The following PPP1R37 variants were observed in gnomAD, a reference collection of about 807,000 sequenced individuals.
The protein encoded by PPP1R37 is protein phosphatase 1 regulatory subunit 37.
A neutral mutation model predicts 61.0 loss-of-function variants in PPP1R37; 21 were observed. The ratio of observed to expected loss-of-function variants is 0.34; its 90% CI spans 0.24 to 0.50. PPP1R37 has a LOEUF of 0.50. Among genes scored for constraint, PPP1R37 ranks in the 20% least tolerant of loss-of-function variants. The pLI, the probability that PPP1R37 is intolerant of heterozygous loss-of-function variation, is 0.98. For synonymous variants in PPP1R37, 443 were observed against 433.5 expected, an observed-to-expected ratio of 1.02 and a Z score of -0.27; for missense variants, 910 against 952.7, an observed-to-expected ratio of 0.96 and a Z score of 0.59.
chr19:45,128,801 T>C, intron 1 of PPP1R37: 2 of 621,534 alleles, frequency 3.2e-6, no homozygotes, highest in Non-Finnish European at 2.9e-6. Flanking sequence ...CACCTTATAA[T>C]GTGGGTGTCC....
chr19:45,133,940 G>T (rs778326899), intron 1 of PPP1R37, among the ~76,000 whole-genome samples: 1 of 152,290 alleles, frequency 6.6e-6, no homozygotes, highest in African/African-American at 2.4e-5. Flanking sequence ...GAAATGCCTC[G>T]GGTAGCATCT....
chr19:45,123,393 T>C (rs1274307639), intron 1 of PPP1R37, among the ~76,000 whole-genome samples: 1 of 152,200 alleles, frequency 6.6e-6, no homozygotes. Context: ...GGACCCGCTC[T>C]CCACATCCTG....
At chr19:45,125,638 G>T (rs1381051417) in intron 1 of PPP1R37, among the ~76,000 whole-genome samples, 1 of 152,152 alleles carries the variant, frequency 6.6e-6, no homozygotes, top group South Asian at 2.1e-4. Flanking sequence ...GCGTAGGACC[G>T]GCTGTGGCTG....
Position 45,140,613 on chromosome 19 carries a change from G to A in PPP1R37, c.447+7G>A, listed in dbSNP as rs184906892. 2.2e-5 allele frequency: 34 copies of A among 1,534,182 alleles called. No homozygotes were observed. The African/African-American group carries it at 2.6e-4, about 12-fold the overall frequency. On this transcript the variant is annotated splice_region_variant and intron_variant, in intron 4 of 12. Coordinates refer to ENST00000221462, the MANE Select transcript of PPP1R37 (RefSeq NM_019121.2). ...GACAAACCTGGATGAAGATGTGAGC[G>A]GCCCTGCCACCGCCCACTTGGCTCC...
At position 45,115,260 on chromosome 19, in the gene PPP1R37, G is replaced by T. The variant is rs1381014006; in HGVS notation, c.202+21733G>T. 8.5e-5 allele frequency among the ~76,000 whole-genome samples: 13 copies of T among 152,312 alleles called. No individual in the cohort carries two copies. In the South Asian group the frequency reaches 1.0e-3, roughly 12 times the overall value. The stretch of plus-strand genomic sequence containing the variant: ...CTGGAACAGAGGAGACAGTGGCGAG[G>T]CTGGTGGGTAGGTACCTGGCTTGGG... On this transcript the variant is annotated intron_variant, in intron 1 of 12. Coordinates refer to ENST00000221462, the MANE Select transcript of PPP1R37 (RefSeq NM_019121.2).
rs543930111 is a variant in PPP1R37 at position 45,142,869 on chromosome 19, G to C, written c.874+411G>C. The C allele has an allele frequency of 1.2e-4, 25 of 210,462 alleles. No homozygotes were observed. In the South Asian group the frequency reaches 2.0e-3, roughly 17 times the overall value. The allele number at this position is 210,462 out of a possible 1,614,324, so 13.0% of individuals were successfully genotyped here. On this transcript the variant is annotated intron_variant, in intron 7 of 12. Transcript: ENST00000221462. ...CTCTGGGCTTCCATCCGGAGGCTGG[G>C]AGCAGAACCAGCCTTGTGAGAAGCC...
intron 8 of PPP1R37, 31 bp from the exon 9 acceptor site, chr19:45,144,820 GCCT>G (rs1187459843): frequency 4.7e-6 from 7 of 1,496,348 alleles, no homozygotes; most frequent in Non-Finnish European, 3.6e-6. Flanking sequence ...CGCCATCACG[GCCT>G]CCTCCTCACC....
chr19:45,119,120 C>A (rs1390216812), intron 1 of PPP1R37, among the ~76,000 whole-genome samples: 1 of 151,948 alleles, frequency 6.6e-6, no homozygotes, highest in Non-Finnish European at 1.5e-5. Context: ...TCCCGAGTAG[C>A]TGGGATTACA....
intron 1 of PPP1R37, among the ~76,000 whole-genome samples, chr19:45,110,113 T>C (rs1353912269): frequency 6.8e-6 from 1 of 147,184 alleles, no homozygotes; most frequent in East Asian, 1.9e-4. Context: ...GAATTCCCTT[T>C]TTCTTTTTTT....
rs1968461894 is a variant in PPP1R37, at chr19:45,130,416, T to C, written c.203-8098T>C. 6.6e-6 allele frequency among the ~76,000 whole-genome samples: 1 copy of C among 152,168 alleles called. No individual in the cohort carries two copies. Among genetic ancestry groups the C allele is most frequent in the Non-Finnish European group, 1.5e-5 (1 of 68,034 alleles). ...GGTCACCGTCCCACATCATCCCCAG[T>C]GCTCCCCTCCCGGTGTGCTTTGGCG... is the stretch of plus-strand genomic sequence containing the variant. On this transcript the variant is annotated intron_variant, in intron 1 of 12. Transcript: ENST00000221462. This position sits in a 1 kb window ranked among gnomAD's most constrained non-coding sequence, Gnocchi z 4.4.
At chr19:45,143,274 G>A (rs1968637698) in intron 7 of PPP1R37, 4 of 440,360 alleles carry the variant, frequency 9.1e-6, no homozygotes, top group South Asian at 2.6e-5. Context: ...GGTGAGGTGG[G>A]CCAGAGGTGG....
At position 45,145,510 on chromosome 19, in the gene PPP1R37, A is replaced by G. The variant is rs1568452304; in HGVS notation, c.1454A>G (p.Asp485Gly). ...PETTATEPQP[D>G]DEPAAGVQNG... ...ACCACCGCCACCGAGCCCCAGCCCGACGACGAGCCCGCCGCTGGGGTGCAG... is the reference window on the plus strand; with the variant it reads ...ACCACCGCCACCGAGCCCCAGCCCGGCGACGAGCCCGCCGCTGGGGTGCAG... The change falls in exon 11 of 13, where the codon GAC (aspartate) becomes GGC (glycine). Residue 485 changes from aspartate to glycine, a missense_variant. This residue lies in a region of PPP1R37 where 549 missense variants were observed against 505.1 expected (regional missense o/e 1.09). Transcript: ENST00000221462. 1 of 1,533,982 alleles carries G rather than the reference A, an allele frequency of 6.5e-7. No individual in the cohort carries two copies. The highest frequency in any genetic ancestry group is 1.4e-5 in the African/African-American group (1 of 73,032).
intron 3 of PPP1R37, 108 bp downstream of exon 3, chr19:45,140,389 C>G: frequency 1.6e-6 from 2 of 1,286,150 alleles, no homozygotes; most frequent in Non-Finnish European, 2.2e-6. Context: ...TGGAGCTGAG[C>G]TCAGCCAGGG....
At chr19:45,131,410 A>T (rs972978971) in intron 1 of PPP1R37, among the ~76,000 whole-genome samples, 5 of 152,230 alleles carry the variant, frequency 3.3e-5, no homozygotes, top group Middle Eastern at 3.4e-3. Context: ...GGGAGCCGAG[A>T]GTTGAGCTGT....
At chr19:45,135,687 A>G (rs893587014) in intron 1 of PPP1R37, among the ~76,000 whole-genome samples, 2 of 152,122 alleles carry the variant, frequency 1.3e-5, no homozygotes, top group Middle Eastern at 3.4e-3. Context: ...CTCCTGGATG[A>G]AGCGCCTGGC....
chr19:45,114,036 T>A (rs564995267), intron 1 of PPP1R37, among the ~76,000 whole-genome samples: 22 of 152,344 alleles, frequency 1.4e-4, no homozygotes, highest in African/African-American at 5.3e-4. Flanking sequence ...GGCTTCCGTT[T>A]GCCACGCGCC....
intron 1 of PPP1R37, among the ~76,000 whole-genome samples, chr19:45,114,221 A>C (rs908500322): frequency 6.6e-6 from 1 of 152,234 alleles, no homozygotes; most frequent in Non-Finnish European, 1.5e-5. Flanking sequence ...GCCAGAATCC[A>C]CCTGGGGCCA....
At chr19:45,139,718 T>C (rs1284115264) in intron 2 of PPP1R37, among the ~76,000 whole-genome samples, 1 of 152,274 alleles carries the variant, frequency 6.6e-6, no homozygotes, top group Non-Finnish European at 1.5e-5. Flanking sequence ...TTGGACCCCA[T>C]CGGCCTGGTT....
chr19:45,107,874 G>C (rs1281060958), intron 1 of PPP1R37, among the ~76,000 whole-genome samples: 1 of 152,204 alleles, frequency 6.6e-6, no homozygotes, highest in African/African-American at 2.4e-5. Context: ...TAGAAAGCAT[G>C]ATTTAAAGTA....
Sources: gnomAD v4.1 joint callset for allele counts (sites outside exome capture counted in the v4.1 genomes callset) on GRCh38, gnomAD v4.1.1 for gene constraint, gnomAD v4.1.1 regional missense constraint, Gnocchi (gnomAD v3.1) non-coding constraint, MANE v1.5 for transcripts, NCBI Gene and HGNC (gene_info 2026-07-23, HGNC 2026-07-21) for gene names.